USP36: variants seen among roughly 807,000 people sequenced by gnomAD.
USP36 encodes the protein ubiquitin specific peptidase 36.
In USP36, 59 loss-of-function variants were observed where a neutral mutation model predicts 111.5. That is an observed-to-expected ratio of 0.53 (90% CI 0.43 to 0.66). USP36 has a LOEUF of 0.66. USP36 is among the 30% of genes least tolerant of loss of function. The pLI is 0.00. For missense variants in USP36, 1,488 were observed against 1,468.0 expected (o/e 1.01, Z -0.22); for synonymous variants, 628 against 581.0 (o/e 1.08, Z -1.16).
intron 10 of USP36, 70 bp downstream of exon 10, chr17:78,818,597 C>T: frequency 7.1e-7 from 1 of 1,412,528 alleles, no homozygotes; most frequent in Non-Finnish European, 1.0e-6. Flanking sequence ...GTGGCTATCA[C>T]TTTCTTCGTG....
rs748262294 is a variant in USP36, at chr17:78,807,645, A to G, written c.1408-9T>C. On this transcript the variant is annotated splice_polypyrimidine_tract_variant and intron_variant, in intron 13 of 20. Coordinates refer to ENST00000449938, the MANE Select transcript of USP36 (RefSeq NM_001385174.1). ...GTCCCAGAGTCTTGTCGCTAAGGAG[A>G]CCAAAGCAGAAAACACAACTGAGGA... The G allele has an allele frequency of 1.7e-5, 25 of 1,515,020 alleles. No individual in the cohort carries two copies. Among genetic ancestry groups the G allele is most frequent in the Non-Finnish European group, 1.9e-5 (22 of 1,132,112 alleles). 93.8% of individuals were successfully genotyped at this position (1,515,020 alleles called of 1,614,324 possible).
At position 78,813,009 on chromosome 17, in the gene USP36, A is replaced by G; in HGVS notation, c.1266-8T>C. Reference sequence around the variant, plus strand: ...TTCTTAGAGCCTGGAATTCTGTCAAAGGAAGAAAACAAGTAGGGAATTCTC... The same window carrying G: ...TTCTTAGAGCCTGGAATTCTGTCAAGGGAAGAAAACAAGTAGGGAATTCTC... On this transcript the variant is annotated splice_region_variant and splice_polypyrimidine_tract_variant and intron_variant, in intron 12 of 20. Transcript: ENST00000449938. 1 of 1,613,926 alleles carries G rather than the reference A, an allele frequency of 6.2e-7. No individual in the cohort carries two copies. Among genetic ancestry groups the G allele is most frequent in the Non-Finnish European group, 8.5e-7 (1 of 1,179,908 alleles).
At chr17:78,817,737 CAAA>C (rs778072599) in intron 10 of USP36, among the ~76,000 whole-genome samples, 3 of 114,564 alleles carry the variant, frequency 2.6e-5, no homozygotes. Context: ...GACTCTGTCT[CAAA>C]AAAAAAAAAA....
intron 2 of USP36, among the ~76,000 whole-genome samples, 156 bp from the exon 3 acceptor site, chr17:78,836,528 G>T (rs1432567616): frequency 6.6e-6 from 1 of 152,100 alleles, no homozygotes; most frequent in Middle Eastern, 3.2e-3. Flanking sequence ...AGGAAACAGG[G>T]AGACCCAGCA....
At chr17:78,792,277 T>A (rs572748280), downstream of USP36, among the ~76,000 whole-genome samples, 2 of 151,352 alleles carry the variant, frequency 1.3e-5, no homozygotes, top group South Asian at 2.1e-4. Context: ...AAGGGAAGAG[T>A]GAGACACGGG....
At position 78,828,959 on chromosome 17, in the gene USP36, A is replaced by G. The variant is rs1599086269; in HGVS notation, c.524T>C (p.Val175Ala). ...GTTGCCGCTGTTGGCGAAGGCCTGGACAATGTGGTTCTGCATGACACACAG... is the reference window on the plus strand; with the variant it reads ...GTTGCCGCTGTTGGCGAAGGCCTGGGCAATGTGGTTCTGCATGACACACAG... ...CMLCVMQNHI[V>A]QAFANSGNAI... is the part of the protein sequence containing the mutation. The change falls in exon 5 of 21, where the codon GTC (valine) becomes GCC (alanine). Residue 175 changes from valine (V) to alanine (A), a missense_variant. Physicochemically the swap from Val to Ala is moderately conservative, Grantham distance 64. Around this residue, in one of 3 missense-constraint regions of USP36, gnomAD observed 196 missense variants for 264.4 expected, o/e 0.74. Coordinates refer to ENST00000449938, the MANE Select transcript of USP36 (RefSeq NM_001385174.1). The G allele has an allele frequency of 2.5e-6, 4 of 1,614,170 alleles. No homozygotes were observed. Among genetic ancestry groups the G allele is most frequent in the East Asian group, 4.5e-5 (2 of 44,884 alleles).
chr17:78,799,789 A>G (rs888154058), intron 17 of USP36, 21 bp from the exon 18 acceptor site: 2 of 1,578,484 alleles, frequency 1.3e-6, no homozygotes, highest in East Asian at 4.7e-5. Context: ...AGCAGCCAAG[A>G]AACATTTACA....
intron 13 of USP36, among the ~76,000 whole-genome samples, chr17:78,812,329 T>TG (rs1217008788): frequency 6.6e-6 from 1 of 152,168 alleles, no homozygotes; most frequent in Non-Finnish European, 1.5e-5. Flanking sequence ...TCTAATTTGT[T>TG]GGGTCAGAAT....
In USP36 at chr17:78,836,382, C is replaced by A. The variant is rs1376881284; in HGVS notation, c.-9-10G>T. The A allele has an allele frequency of 6.2e-7, 1 of 1,611,114 alleles. No individual in the cohort carries two copies. On this transcript the variant is annotated splice_polypyrimidine_tract_variant and intron_variant, in intron 2 of 20. Transcript: ENST00000449938. ...TTGGCATGGTGCATCACTGTGGGGA[C>A]AAGAAGAAACATAGAGCCATAGATA...
At chr17:78,824,427 G>A (rs2145465486) in intron 6 of USP36, among the ~76,000 whole-genome samples, 1 of 152,314 alleles carries the variant, frequency 6.6e-6, no homozygotes, top group Middle Eastern at 3.4e-3. Flanking sequence ...CATGGAGCGT[G>A]CCTGCAGTTC....
At chr17:78,831,398 A>C (rs1043331820) in intron 4 of USP36, among the ~76,000 whole-genome samples, 12 of 151,948 alleles carry the variant, frequency 7.9e-5, no homozygotes, top group Non-Finnish European at 1.5e-5. Flanking sequence ...GGAACACGTG[A>C]GGTCAAGAGT....
chr17:78,826,124 C>T (rs905830322), intron 6 of USP36, among the ~76,000 whole-genome samples: 38 of 152,212 alleles, frequency 2.5e-4, no homozygotes, highest in African/African-American at 9.2e-4. Context: ...AGCAAGGAAG[C>T]TTGAGCCCCT....
In USP36 at chr17:78,802,266, C is replaced by G. The variant is rs1347058226; in HGVS notation, c.3022+58G>C. On this transcript the variant is annotated intron_variant, in intron 17 of 20. Transcript: ENST00000449938. ...CGCCCGGTGCACACCCATGCGGTCCCCCAACCCCTCGCCCGGTGCACACCC... is the reference window on the plus strand; with the variant it reads ...CGCCCGGTGCACACCCATGCGGTCCGCCAACCCCTCGCCCGGTGCACACCC... 3 of 1,502,414 alleles carry G rather than the reference C, an allele frequency of 2.0e-6. No individual in the cohort carries two copies. In the African/African-American group the frequency reaches 4.2e-5, roughly 21 times the overall value. The allele number at this position is 1,502,414 out of a possible 1,614,324, so 93.1% of individuals were successfully genotyped here. A position where few individuals can be genotyped will look rare whatever the true frequency, so the allele number is the denominator to read the frequency against.
exon 4 of USP36, chr17:78,787,477 A>T (rs906009495): frequency 2.0e-5 from 3 of 152,220 alleles, no homozygotes; most frequent in African/African-American, 7.2e-5. Flanking sequence ...ATAATACAGA[A>T]CCATTTGTAA....
At chr17:78,835,540 G>GT (rs1298137248) in intron 3 of USP36, 39 bp from the exon 4 acceptor site, 10 of 1,552,308 alleles carry the variant, frequency 6.4e-6, no homozygotes, top group African/African-American at 4.1e-5. Flanking sequence ...AGAGGAAGAC[G>GT]TAAGTCCACA....
intron 6 of USP36, among the ~76,000 whole-genome samples, chr17:78,822,372 C>T (rs1473976852): frequency 1.3e-5 from 2 of 152,176 alleles, no homozygotes; most frequent in African/African-American, 2.4e-5. Flanking sequence ...TAGAGTGAGG[C>T]GGGAGGCCAA....
At chr17:78,841,193 CT>C (rs958429513), upstream of USP36, 2 of 152,288 alleles carry the variant, frequency 1.3e-5, no homozygotes, top group African/African-American at 4.8e-5. Context: ...ACTCGAGGGA[CT>C]TTGCCCACCC....
chr17:78,828,452 C>T (rs73407969), intron 5 of USP36, among the ~76,000 whole-genome samples: 8,600 of 152,120 alleles, frequency 0.057, 773 homozygotes, highest in African/African-American at 0.19. Flanking sequence ...TCCCTCAGGC[C>T]CACCTGCCTG....
At position 78,814,555 on chromosome 17, in the gene USP36, G is replaced by A. The variant is rs1467937234; in HGVS notation, c.1024-3C>T. On this transcript the variant is annotated splice_region_variant and splice_polypyrimidine_tract_variant and intron_variant, in intron 10 of 20. Transcript: ENST00000449938. ...AGGAATTCCGGATAGCCTACATCCT[G>A]TTTGAAAAATCAAGGAAAAGACAAA... The A allele has an allele frequency of 1.2e-6, 2 of 1,607,838 alleles. No individual in the cohort carries two copies. Among genetic ancestry groups the A allele is most frequent in the African/African-American group, 1.3e-5 (1 of 74,686 alleles).
Sources: allele counts gnomAD v4.1 joint callset (sites outside exome capture counted in the v4.1 genomes callset), GRCh38; gene constraint gnomAD v4.1.1; regional missense constraint gnomAD v4.1.1; transcripts MANE v1.5; gene names NCBI Gene and HGNC (gene_info 2026-07-23, HGNC 2026-07-21).